The following LSG1 variants were observed in gnomAD, a reference collection of about 807,000 sequenced individuals.
The protein encoded by LSG1 is large 60S subunit nuclear export GTPase 1, also known as large subunit GTPase 1 homolog.
Under a neutral mutation model 82.6 loss-of-function variants are expected in LSG1, and 55 were observed. The observed-to-expected ratio is 0.67, with a 90% CI of 0.54 to 0.83. The LOEUF (loss-of-function observed/expected upper bound fraction) is 0.83, where lower values mean the gene tolerates loss of function less well. Ranked by LOEUF, LSG1 falls within the 40% of genes least tolerant of loss-of-function variation. The probability of loss-of-function intolerance (pLI) is 0.00; values close to 1 mark genes in which losing one functional copy is unlikely to be tolerated. For synonymous variants in LSG1, 272 were observed against 282.5 expected (o/e 0.96, Z 0.37); for missense variants, 809 against 807.9 (o/e 1.00, Z -0.02).
chr3:194,667,869 G>A (rs1018979331), intron 2 of LSG1, among the ~76,000 whole-genome samples: 5 of 135,546 alleles, frequency 3.7e-5, no homozygotes, highest in Non-Finnish European at 7.6e-5. Flanking sequence ...GTTGCAGTGA[G>A]CTGAGATCGC....
intron 1 of LSG1, 159 bp downstream of exon 1, chr3:194,671,905 G>A: frequency 2.9e-6 from 2 of 692,538 alleles, no homozygotes; most frequent in Non-Finnish European, 5.1e-6. Flanking sequence ...GGCCTTGCCA[G>A]GAGGAGGGCC....
At chr3:194,645,535 G>GACACACACACACACACACAGACACAC (rs1553845119) in intron 12 of LSG1, 1 of 34,962 alleles carries the variant, frequency 2.9e-5, no homozygotes, top group African/African-American at 9.6e-5. Flanking sequence ...CACACAGACA[G>GACACACACACACACACACAGACACAC]ACACACACAC....
chr3:194,672,037 T>G (rs779271415), intron 1 of LSG1, 27 bp downstream of exon 1: 5 of 1,600,824 alleles, frequency 3.1e-6, no homozygotes, highest in Non-Finnish European at 3.4e-6. Flanking sequence ...ACAGAAAAGA[T>G]AAGAAAGATG....
intron 7 of LSG1, among the ~76,000 whole-genome samples, chr3:194,654,400 G>C (rs190425438): frequency 1.3e-5 from 2 of 152,262 alleles, no homozygotes; most frequent in Admixed American, 1.3e-4. Context: ...AAGTAGCTTT[G>C]TTAGAATGAT....
At chr3:194,647,722 A>G (rs1029172003) in intron 11 of LSG1, among the ~76,000 whole-genome samples, 3 of 152,226 alleles carry the variant, frequency 2.0e-5, no homozygotes, top group African/African-American at 4.8e-5. Flanking sequence ...TTTGCAGGCT[A>G]ACATCCTGCA....
chr3:194,642,176 A>G lies in LSG1; in HGVS notation c.1869T>C (p.Thr623=), dbSNP rs555691091. ...CGTTCTCAGAGCTCGCAGTGGATGCAGTCACTACACCACTCCCGGGCTTGT... is the reference window on the plus strand; with the variant it reads ...CGTTCTCAGAGCTCGCAGTGGATGCGGTCACTACACCACTCCCGGGCTTGT... ...MGYKPGSGVV[T]ASTASSENGA... is the part of the protein sequence containing the mutation. The change falls in exon 14 of 14, where the codon ACT becomes ACC. Residue 623 remains threonine, a synonymous_variant. Transcript: ENST00000265245. 3.7e-6 allele frequency: 6 copies of G among 1,614,072 alleles called. No individual in the cohort carries two copies. The African/African-American group carries it at 8.0e-5, about 22-fold the overall frequency.
Position 194,672,081 on chromosome 3 carries a change from G to T in LSG1, c.82C>A (p.Arg28Ser). Residue 28 changes from arginine (R) to serine (S), a missense_variant, in exon 1 of 14, where the codon CGT becomes AGT. Coordinates refer to ENST00000265245, the MANE Select transcript of LSG1 (RefSeq NM_018385.3). ...RHQTQRSRSH[R>S]HTDSWLHTSE... is the part of the protein sequence containing the mutation. ...TGTCTTACCCAGGAGTCAGTGTGAC[G>T]ATGGCTTCGGCTCCGCTGAGTCTGA... 2 of 1,611,962 alleles carry T rather than the reference G, an allele frequency of 1.2e-6. No homozygotes were observed. The highest frequency in any genetic ancestry group is 1.7e-6 in the Non-Finnish European group (2 of 1,179,930).
intron 7 of LSG1, among the ~76,000 whole-genome samples, chr3:194,655,644 G>T (rs1386473158): frequency 6.6e-6 from 1 of 151,962 alleles, no homozygotes; most frequent in African/African-American, 2.4e-5. Flanking sequence ...ATTATTATTG[G>T]TATATTCTTG....
intron 13 of LSG1, among the ~76,000 whole-genome samples, chr3:194,643,792 A>C (rs1014561979): frequency 1.3e-5 from 2 of 152,230 alleles, no homozygotes; most frequent in African/African-American, 4.8e-5. Context: ...AGTGGAAACA[A>C]CCCAAACGTC....
intron 11 of LSG1, 106 bp downstream of exon 11, chr3:194,648,575 T>C (rs1718601928): frequency 1.6e-6 from 2 of 1,219,146 alleles, no homozygotes; most frequent in Admixed American, 4.5e-5. Context: ...ATATTATAAA[T>C]GTGTATCTTT....
chr3:194,650,333 T>A (rs1718648399), intron 10 of LSG1, among the ~76,000 whole-genome samples: 1 of 152,198 alleles, frequency 6.6e-6, no homozygotes, highest in Non-Finnish European at 1.5e-5. Context: ...GAGTTCCTAA[T>A]TTACTGCTTA....
chr3:194,659,132 T>C lies in LSG1; in HGVS notation c.584A>G (p.Glu195Gly). The change falls in exon 7 of 14, where the codon GAA becomes GGA. Residue 195 changes from glutamate (E) to glycine (G), a missense_variant and splice_region_variant. By Grantham distance (98) the Glu-to-Gly change is moderately conservative. Transcript: ENST00000265245. ...NPLLFRCEDL[E>G]CYVKEMDANK... ...GGCATCCATTTCTTTCACATAACAT[T>C]CCTAAGCAAGACAAAGAGATTTAGA... The C allele has an allele frequency of 2.5e-6, 4 of 1,609,950 alleles. No homozygotes were observed. Among genetic ancestry groups the C allele is most frequent in the Non-Finnish European group, 3.4e-6 (4 of 1,176,848 alleles).
At chr3:194,642,846 T>C (rs955810311) in intron 13 of LSG1, among the ~76,000 whole-genome samples, 4 of 152,236 alleles carry the variant, frequency 2.6e-5, no homozygotes, top group Non-Finnish European at 5.9e-5. Flanking sequence ...TACTGGTATG[T>C]ACCAACTTGA....
At chr3:194,669,727 A>G (rs989093416) in intron 2 of LSG1, among the ~76,000 whole-genome samples, 4 of 152,130 alleles carry the variant, frequency 2.6e-5, no homozygotes, top group Non-Finnish European at 1.5e-5. Flanking sequence ...AGGTCAGGAG[A>G]TCAAGAACAT....
rs747442213 is a variant in LSG1 at position 194,644,733 on chromosome 3, T to C, written c.1637A>G (p.Tyr546Cys). The C allele has an allele frequency of 5.0e-6, 8 of 1,604,914 alleles. No individual in the cohort carries two copies. The highest frequency in any genetic ancestry group is 6.8e-6 in the Non-Finnish European group (8 of 1,175,040). Reference sequence around the variant, plus strand: ...ATCTCTTCCAGGAGGAGGATGGCAGTACAGCAGCTTACCCTACAAAGACAA... The same window carrying C: ...ATCTCTTCCAGGAGGAGGATGGCAGCACAGCAGCTTACCCTACAAAGACAA... The part of the protein sequence containing the change: ...LKDYVSGKLL[Y>C]CHPPPGRDPV... Residue 546 changes from tyrosine (Y) to cysteine (C), a missense_variant, in exon 13 of 14, where the codon TAC becomes TGC. Coordinates refer to ENST00000265245, the MANE Select transcript of LSG1 (RefSeq NM_018385.3).
chr3:194,643,528 T>TA (rs993370398), intron 13 of LSG1, among the ~76,000 whole-genome samples: 1 of 151,290 alleles, frequency 6.6e-6, no homozygotes, highest in Non-Finnish European at 1.5e-5. Context: ...ATGGCTAAAA[T>TA]AAAAAAAAAA....
rs567903800 is a variant in LSG1 at position 194,659,904 on chromosome 3, T to C, written c.582+169A>G. Among the ~76,000 whole-genome samples, 33 of 152,338 alleles carry C rather than the reference T, an allele frequency of 2.2e-4. No homozygotes were observed. In the South Asian group the frequency reaches 4.3e-3, roughly 20 times the overall value. ...ATGGACACCATTGTTTGAGAAAACA[T>C]CTGTCTCAACAGTGGCGTTCTGCAA... On this transcript the variant is annotated intron_variant, in intron 6 of 13. Coordinates refer to ENST00000265245, the MANE Select transcript of LSG1 (RefSeq NM_018385.3).
intron 7 of LSG1, among the ~76,000 whole-genome samples, chr3:194,657,964 G>A (rs1278090073): frequency 6.6e-6 from 1 of 152,090 alleles, no homozygotes; most frequent in African/African-American, 2.4e-5. Flanking sequence ...AGTTAGAGGT[G>A]AGAGCTTATA....
chr3:194,658,435 C>T (rs901486786), intron 7 of LSG1, among the ~76,000 whole-genome samples: 25 of 152,160 alleles, frequency 1.6e-4, no homozygotes, highest in Non-Finnish European at 1.2e-4. Context: ...GAGTGAGCCA[C>T]GGCACCTGGC....
Sources: gnomAD v4.1 joint callset for allele counts (sites outside exome capture counted in the v4.1 genomes callset) on GRCh38, gnomAD v4.1.1 for gene constraint, MANE v1.5 for transcripts, NCBI Gene and HGNC (gene_info 2026-07-23, HGNC 2026-07-21) for gene names.